Variants in SLC22A12 observed in about 807,000 individuals in gnomAD.
The protein encoded by SLC22A12 is organic anion transporter 4-like protein.
A neutral mutation model predicts 52.7 loss-of-function variants in SLC22A12; 56 were observed. The observed-to-expected ratio is 1.06, with a 90% CI of 0.86 to 1.33. SLC22A12 has a LOEUF of 1.33. SLC22A12 is among the 40% of genes most tolerant of loss of function. The pLI, the probability that SLC22A12 is intolerant of heterozygous loss-of-function variation, is 0.00. For synonymous variants in SLC22A12, 337 were observed against 324.6 expected (o/e 1.04, Z -0.41); for missense variants, 683 against 741.5 (o/e 0.92, Z 0.92).
intron 4 of SLC22A12, 42 bp downstream of exon 4, chr11:64,593,845 C>T (rs374133347): frequency 1.8e-5 from 28 of 1,592,344 alleles, no homozygotes; most frequent in Non-Finnish European, 2.0e-5. Context: ...GGAGATCCTG[C>T]CCACTCTCCA....
At chr11:64,600,329 C>T (rs887661886) in intron 7 of SLC22A12, 38 bp from the exon 8 acceptor site, 1 of 1,487,510 alleles carries the variant, frequency 6.7e-7, no homozygotes, top group Non-Finnish European at 9.2e-7. Context: ...TGATCTTGGG[C>T]CCCCCACCAA....
Sources: allele counts gnomAD v4.1 joint callset, GRCh38; gene constraint gnomAD v4.1.1; transcripts MANE v1.5; gene names NCBI Gene and HGNC (gene_info 2026-07-23, HGNC 2026-07-21).